The following NUAK1 variants were observed in gnomAD, a reference collection of about 807,000 sequenced individuals.
NUAK1 encodes NUAK family kinase 1.
NUAK1 carries 26 observed loss-of-function variants against 56.9 expected under a neutral mutation model. The observed-to-expected ratio is 0.46, with a 90% CI of 0.33 to 0.63. The LOEUF is 0.63. Ranked by LOEUF, NUAK1 falls within the 30% of genes least tolerant of loss-of-function variation. The probability of loss-of-function intolerance (pLI) is 0.02; values close to 1 mark genes in which losing one functional copy is unlikely to be tolerated. For missense variants in NUAK1, 727 were observed against 876.1 expected (o/e 0.83, Z 2.15); for synonymous variants, 337 against 336.0 (o/e 1.00, Z -0.03).
chr12:106,105,184 T>A (rs55657928), intron 2 of NUAK1, among the ~76,000 whole-genome samples: 27,817 of 152,024 alleles, frequency 0.18, 2,779 homozygotes, highest in Admixed American at 0.23. Context: ...AACTCCTGAC[T>A]TCAAGCCACC....
intron 3 of NUAK1, among the ~76,000 whole-genome samples, chr12:106,085,233 T>C (rs2032559115): frequency 6.6e-6 from 1 of 152,224 alleles, no homozygotes; most frequent in Non-Finnish European, 1.5e-5. Context: ...ATCCAAGTGT[T>C]CACACACTTC....
At position 106,065,045 on chromosome 12, in the gene NUAK1, T is replaced by G. The variant is rs1400874714; in HGVS notation, c.*1757A>C. Reference sequence around the variant, plus strand: ...CACTTTCTTAGCACTGTAAGGTGAATTTTTTTCTCATCTCCCTAGAACTAT... The same window carrying G: ...CACTTTCTTAGCACTGTAAGGTGAAGTTTTTTCTCATCTCCCTAGAACTAT... On this transcript the variant is annotated 3_prime_UTR_variant, in exon 7 of 7. Transcript: ENST00000261402. The G allele has an allele frequency of 6.6e-6, 1 of 152,126 alleles. No homozygotes were observed. Among genetic ancestry groups the G allele is most frequent in the Admixed American group, 6.5e-5 (1 of 15,278 alleles). 9.4% of individuals were successfully genotyped at this position (152,126 alleles called of 1,614,324 possible).
rs1003510033 is a variant in NUAK1, at chr12:106,070,789, G to A, written c.817C>T (p.Pro273Ser). The A allele has an allele frequency of 6.2e-7, 1 of 1,614,024 alleles. No individual in the cohort carries two copies. Among genetic ancestry groups the A allele is most frequent in the African/African-American group, 1.3e-5 (1 of 74,918 alleles). Residue 273 changes from proline to serine, a missense_variant, in exon 6 of 7, where the codon CCA becomes TCA. Coordinates refer to ENST00000261402, the MANE Select transcript of NUAK1 (RefSeq NM_014840.3). ...GGGCACGCACCTGAGGGCTGTGTTGGCTCCCGGTACTCTCCGCTGCTGATT... is the reference window on the plus strand; with the variant it reads ...GGGCACGCACCTGAGGGCTGTGTTGACTCCCGGTACTCTCCGCTGCTGATT... ...RQISSGEYREPTQPSDARGLI... is the reference protein window; with the variant it reads ...RQISSGEYRESTQPSDARGLI...
chr12:106,121,470 C>T (rs962695012), intron 1 of NUAK1, among the ~76,000 whole-genome samples: 1 of 152,210 alleles, frequency 6.6e-6, no homozygotes, highest in African/African-American at 2.4e-5. Flanking sequence ...GGGTGGGAGG[C>T]TGGGCGTGGT....
rs551860261 is a variant in NUAK1, at chr12:106,080,350, T to C, written c.579+3514A>G. 2.0e-5 allele frequency among the ~76,000 whole-genome samples: 3 copies of C among 152,334 alleles called. No individual in the cohort carries two copies. In the South Asian group the frequency reaches 6.2e-4, roughly 32 times the overall value. ...ACCCTGGTGCCTGGACCTCTTCTCA[T>C]TGTAAGACATTTTTACAGGAGCCTT... On this transcript the variant is annotated intron_variant, in intron 4 of 6. Coordinates refer to ENST00000261402, the MANE Select transcript of NUAK1 (RefSeq NM_014840.3).
chr12:106,118,088 A>T (rs1293930814), intron 1 of NUAK1, among the ~76,000 whole-genome samples: 1 of 152,178 alleles, frequency 6.6e-6, no homozygotes, highest in Non-Finnish European at 1.5e-5. Context: ...CCCAGATTCC[A>T]CTCTGGTCCA....
At chr12:106,096,153 A>G (rs1045840093) in intron 2 of NUAK1, among the ~76,000 whole-genome samples, 1 of 151,914 alleles carries the variant, frequency 6.6e-6, no homozygotes, top group African/African-American at 2.4e-5. Flanking sequence ...AGGGCAATAG[A>G]GTCTTTTTTT....
chr12:106,114,762 G>A (rs937866973), intron 1 of NUAK1, among the ~76,000 whole-genome samples: 4 of 152,174 alleles, frequency 2.6e-5, no homozygotes, highest in African/African-American at 9.7e-5. Context: ...TGAGCAGCAG[G>A]GCTGAAACTG....
At chr12:106,086,944 C>G in intron 2 of NUAK1, 59 bp from the exon 3 acceptor site, 2 of 1,580,966 alleles carry the variant, frequency 1.3e-6, no homozygotes. Context: ...CTCACTTATG[C>G]TACAGAGAAT....
At chr12:106,137,848 C>T (rs2033144117) in intron 1 of NUAK1, among the ~76,000 whole-genome samples, 1 of 152,206 alleles carries the variant, frequency 6.6e-6, no homozygotes, top group African/African-American at 2.4e-5. Flanking sequence ...TATTTTTGCT[C>T]CCTAACCTTG....
At chr12:106,115,719 G>A (rs763533644) in intron 1 of NUAK1, among the ~76,000 whole-genome samples, 38 of 152,184 alleles carry the variant, frequency 2.5e-4, no homozygotes, top group Non-Finnish European at 4.4e-4. Context: ...CCAAGAAACC[G>A]CAGGCTGAGC....
At chr12:106,092,518 T>C (rs1414366481) in intron 2 of NUAK1, among the ~76,000 whole-genome samples, 2 of 152,048 alleles carry the variant, frequency 1.3e-5, no homozygotes, top group Non-Finnish European at 2.9e-5. Flanking sequence ...TGGAATCACG[T>C]AGTATACCTT....
chr12:106,087,002 G>T, intron 2 of NUAK1, 117 bp from the exon 3 acceptor site: 1 of 1,320,578 alleles, frequency 7.6e-7, no homozygotes, highest in Non-Finnish European at 1.0e-6. Context: ...TCGACTGATG[G>T]GTCAGAACAC....
rs770138862 is a variant in NUAK1, at chr12:106,070,758, T to C, written c.832+16A>G. ...TCTCCCCTCCACCTCTGACCCTCCC[T>C]CCACAGGGCACGCACCTGAGGGCTG... is the stretch of plus-strand genomic sequence containing the variant. On this transcript the variant is annotated intron_variant, in intron 6 of 6. Transcript: ENST00000261402. 6.8e-6 allele frequency: 11 copies of C among 1,613,866 alleles called. No individual in the cohort carries two copies. In the African/African-American group the frequency reaches 1.5e-4, roughly 22 times the overall value.
intron 1 of NUAK1, among the ~76,000 whole-genome samples, chr12:106,129,575 C>A (rs971567970): frequency 6.6e-6 from 1 of 152,212 alleles, no homozygotes; most frequent in Non-Finnish European, 1.5e-5. Context: ...AAGACCCATG[C>A]ATGAGCCTTG....
intron 1 of NUAK1, among the ~76,000 whole-genome samples, chr12:106,117,157 T>G (rs991972741): frequency 2.6e-5 from 4 of 152,180 alleles, no homozygotes; most frequent in Non-Finnish European, 1.5e-5. Flanking sequence ...AGATGCCTTT[T>G]GAAAGAGACC....
intron 4 of NUAK1, among the ~76,000 whole-genome samples, chr12:106,082,435 A>G (rs2032526738): frequency 6.6e-6 from 1 of 152,214 alleles, no homozygotes; most frequent in African/African-American, 2.4e-5. Context: ...CAGGCCTGTG[A>G]GTAGTACTGT....
At chr12:106,134,255 C>A (rs1339106687) in intron 1 of NUAK1, among the ~76,000 whole-genome samples, 1 of 152,234 alleles carries the variant, frequency 6.6e-6, no homozygotes, top group African/African-American at 2.4e-5. Flanking sequence ...TGCAACATGG[C>A]ACTTCTGCCA....
Position 106,138,693 on chromosome 12 carries a change from CG to C in NUAK1, c.-41del, listed in dbSNP as rs1208044555. On this transcript the variant is annotated 5_prime_UTR_variant, in exon 1 of 7. Coordinates refer to ENST00000261402, the MANE Select transcript of NUAK1 (RefSeq NM_014840.3). This position sits in a 1 kb window ranked among gnomAD's most constrained non-coding sequence, Gnocchi z 5.0. ...CGAGCCGGGCTACAGAGGGCAAGAC[CG>C]GGCACAGCGCTGGGATGTCGGGGTC... 6.8e-7 allele frequency: 1 copy of C among 1,467,472 alleles called. No homozygotes were observed. The highest frequency in any genetic ancestry group is 8.9e-7 in the Non-Finnish European group (1 of 1,118,942). The allele number at this position is 1,467,472 out of a possible 1,614,324, so 90.9% of individuals were successfully genotyped here.
Sources: allele counts gnomAD v4.1 joint callset (sites outside exome capture counted in the v4.1 genomes callset), GRCh38; gene constraint gnomAD v4.1.1; non-coding constraint Gnocchi (gnomAD v3.1); transcripts MANE v1.5; gene names NCBI Gene and HGNC (gene_info 2026-07-23, HGNC 2026-07-21).